PWWP2A: variants seen among roughly 807,000 people sequenced by gnomAD.
PWWP2A encodes the protein PWWP domain containing 2A, also known as PWWP domain-containing protein 2A.
Under a neutral mutation model 48.5 loss-of-function variants are expected in PWWP2A, and 18 were observed. The ratio of observed to expected loss-of-function variants is 0.37; its 90% confidence interval spans 0.26 to 0.55. The LOEUF (loss-of-function observed/expected upper bound fraction) is 0.55, where lower values mean the gene tolerates loss of function less well. Ranked by LOEUF, PWWP2A falls within the 20% of genes least tolerant of loss-of-function variation. The probability of loss-of-function intolerance (pLI) is 0.81; values close to 1 mark genes in which losing one functional copy is unlikely to be tolerated. For missense variants in PWWP2A, 867 were observed against 976.4 expected, an observed-to-expected ratio of 0.89 and a Z score of 1.49; for synonymous variants, 396 against 387.7, an observed-to-expected ratio of 1.02 and a Z score of -0.25.
chr5:160,108,569 T>C (rs1312952840), intron 1 of PWWP2A: 2 of 1,287,500 alleles, frequency 1.6e-6, no homozygotes, highest in African/African-American at 3.0e-5. Flanking sequence ...GGCTGTATAT[T>C]TTTCCCACCA....
At chr5:160,073,004 C>CAAAAAAAAAA (rs35836307), downstream of PWWP2A, among the ~76,000 whole-genome samples, 14 of 58,856 alleles carry the variant, frequency 2.4e-4, no homozygotes, top group African/African-American at 1.0e-3. Context: ...GGCTCCGTCT[C>CAAAAAAAAAA]AAAAAAAAAA....
In PWWP2A at chr5:160,078,646, A is replaced by G. The variant is rs556879471; in HGVS notation, c.1670-478T>C. On this transcript the variant is annotated intron_variant, in intron 3 of 3. Transcript: ENST00000456329. This position sits in a 1 kb window ranked among gnomAD's most constrained non-coding sequence, Gnocchi z 4.2. ...ATTTATATACAGAGCCAGGCTATGTACAAATCAGCAGCAGGTCACACTGTC... is the reference window on the plus strand; with the variant it reads ...ATTTATATACAGAGCCAGGCTATGTGCAAATCAGCAGCAGGTCACACTGTC... 2.7e-4 allele frequency among the ~76,000 whole-genome samples: 41 copies of G among 152,294 alleles called. 1 individual carries two copies. In the East Asian group the frequency reaches 7.9e-3, roughly 29 times the overall value.
chr5:160,119,161 C>T lies in PWWP2A; in HGVS notation c.228G>A (p.Gly76=), dbSNP rs970993510. ...PPLPPPPPPP[G]ELARSPEAVG... Reference sequence around the variant, plus strand: ...CCGCCTCTGGGCTGCGGGCGAGCTCCCCCGGCGGCGGCGGTGGCGGCGGGA... The same window carrying T: ...CCGCCTCTGGGCTGCGGGCGAGCTCTCCCGGCGGCGGCGGTGGCGGCGGGA... Residue 76 remains glycine, a synonymous_variant, in exon 1 of 2, where the codon GGG becomes GGA. Coordinates refer to ENST00000307063, the MANE Select transcript of PWWP2A (RefSeq NM_001130864.2). The T allele has an allele frequency of 7.8e-6, 12 of 1,533,444 alleles. No homozygotes were observed. In the East Asian group the frequency reaches 3.1e-4, roughly 39 times the overall value. The allele number at this position is 1,533,444 out of a possible 1,614,324, so 95.0% of individuals were successfully genotyped here.
intron 1 of PWWP2A, among the ~76,000 whole-genome samples, chr5:160,094,962 G>A (rs1425411860): frequency 7.2e-6 from 1 of 139,174 alleles, no homozygotes; most frequent in African/African-American, 2.6e-5. Flanking sequence ...GCAGGAGAAT[G>A]GCGTGAACCC....
intron 5 of PWWP2A, among the ~76,000 whole-genome samples, chr5:160,062,288 G>A (rs774921457): frequency 1.3e-5 from 2 of 152,184 alleles, no homozygotes; most frequent in Non-Finnish European, 2.9e-5. Context: ...TGCACTAGAG[G>A]GAAACCTCCT....
rs942420021 is a variant in PWWP2A, at chr5:160,092,013, G to T, written c.*369C>A. On this transcript the variant is annotated 3_prime_UTR_variant, in exon 2 of 2. Transcript: ENST00000307063. ...ATATGTGTGTATATATACATACACG[G>T]ATATATATATATACACACACACACA... 61 of 321,786 alleles carry T rather than the reference G, an allele frequency of 1.9e-4. No individual in the cohort carries two copies. The highest frequency in any genetic ancestry group is 1.2e-3 in the African/African-American group (39 of 32,218). 19.9% of individuals were successfully genotyped at this position (321,786 alleles called of 1,614,324 possible).
chr5:160,082,599 C>A (rs1754325482), intron 2 of PWWP2A, among the ~76,000 whole-genome samples: 1 of 152,154 alleles, frequency 6.6e-6, no homozygotes, highest in African/African-American at 2.4e-5. Context: ...TGTGCAATTC[C>A]TCACCTGCAA....
chr5:160,050,307 T>C, the PWWP2A span, among the ~76,000 whole-genome samples: 3 of 151,618 alleles, frequency 2.0e-5, no homozygotes, highest in Non-Finnish European at 4.4e-5. Flanking sequence ...ATTAGCTGGG[T>C]GTGGTGGCAC....
chr5:160,045,552 T>TCCCC, the PWWP2A span, among the ~76,000 whole-genome samples: 2 of 87,514 alleles, frequency 2.3e-5, no homozygotes, highest in African/African-American at 9.2e-5. Context: ...TCTCTCTCTC[T>TCCCC]CCCCCTCCCC....
At chr5:160,102,397 CAAAAAAAAAAAAAA>C (rs70988002) in intron 1 of PWWP2A, among the ~76,000 whole-genome samples, 1 of 64,220 alleles carries the variant, frequency 1.6e-5, no homozygotes, top group Non-Finnish European at 2.9e-5. Flanking sequence ...GACTCCATCT[CAAAAAAAAAAAAAA>C]AAAAAAAAAA....
In PWWP2A at chr5:160,078,512, C is replaced by T. The variant is rs370189140; in HGVS notation, c.1670-344G>A. On this transcript the variant is annotated intron_variant, in intron 3 of 3. Coordinates refer to the PWWP2A transcript ENST00000456329. The surrounding 1 kb of genome is among the most constrained non-coding windows in gnomAD (Gnocchi z 4.2). ...GGAATTTTAACTTTGTTCCTTATAT[C>T]GCCATTTCACAGTACAGTGCTCTGA... Among the ~76,000 whole-genome samples, 3 of 152,168 alleles carry T rather than the reference C, an allele frequency of 2.0e-5. No individual in the cohort carries two copies. Among genetic ancestry groups the T allele is most frequent in the South Asian group, 2.1e-4 (1 of 4,818 alleles).
intron 2 of PWWP2A, among the ~76,000 whole-genome samples, chr5:160,084,851 A>T (rs1389758581): frequency 6.6e-6 from 1 of 152,032 alleles, no homozygotes; most frequent in East Asian, 1.9e-4. Context: ...ATTACAAAAA[A>T]TTTTTCCACA....
At chr5:160,085,368 C>T (rs907558969) in intron 2 of PWWP2A, among the ~76,000 whole-genome samples, 2 of 152,166 alleles carry the variant, frequency 1.3e-5, no homozygotes, top group Admixed American at 1.3e-4. Context: ...AACAGTCTAA[C>T]ACTTCAGCTA....
At chr5:160,084,597 T>G (rs1430302646) in intron 2 of PWWP2A, among the ~76,000 whole-genome samples, 2 of 151,898 alleles carry the variant, frequency 1.3e-5, no homozygotes, top group African/African-American at 4.8e-5. Flanking sequence ...CCCACCTTAT[T>G]TTTTTGTATT....
rs1755236082 is a variant in PWWP2A at position 160,092,980 on chromosome 5, T to C, written c.1670A>G (p.Lys557Arg). The change falls in exon 2 of 2, where the codon AAA becomes AGA. Residue 557 changes from lysine (K) to arginine (R), a missense_variant. This residue lies in a region of PWWP2A where 382 missense variants were observed against 407.2 expected (regional missense o/e 0.94). Transcript: ENST00000307063. ...GDQDEPQTLG[K>R]KGSKNNISVY... ...AGAGATATTGTTTTTGCTGCCCTTT[T>C]TGCCCAATGTCTGTGGTTCATCCTG... is the stretch of plus-strand genomic sequence containing the variant. 9.6e-6 allele frequency: 15 copies of C among 1,561,220 alleles called. No individual in the cohort carries two copies. Among genetic ancestry groups the C allele is most frequent in the Non-Finnish European group, 1.1e-5 (13 of 1,151,936 alleles).
chr5:160,093,417 C>G lies in PWWP2A; in HGVS notation c.1233G>C (p.Gln411His), dbSNP rs758576198. The G allele has an allele frequency of 3.3e-5, 53 of 1,613,498 alleles. No individual in the cohort carries two copies. Among genetic ancestry groups the G allele is most frequent in the Non-Finnish European group, 4.5e-5 (53 of 1,179,810 alleles). The stretch of plus-strand genomic sequence containing the variant: ...TCTGGAGAACTTTTTTAGTACTTAA[C>G]TGAGCTTTTGATGTATTTGCCTGAG... ...VSAQANTSKAQLSTKKVLQSK... is the reference protein window; with the variant it reads ...VSAQANTSKAHLSTKKVLQSK... Residue 411 changes from glutamine to histidine, a missense_variant, in exon 2 of 2, where the codon CAG becomes CAC. Around this residue, in one of 4 missense-constraint regions of PWWP2A, gnomAD observed 382 missense variants for 407.2 expected, o/e 0.94. Coordinates refer to ENST00000307063, the MANE Select transcript of PWWP2A (RefSeq NM_001130864.2). The surrounding 1 kb of genome is among the most constrained non-coding windows in gnomAD (Gnocchi z 5.8).
At chr5:160,051,351 G>T in the PWWP2A span, among the ~76,000 whole-genome samples, 1 of 152,042 alleles carries the variant, frequency 6.6e-6, no homozygotes. Flanking sequence ...GCTTAGAGAG[G>T]GTATTGGCTT....
At position 160,077,930 on chromosome 5, in the gene PWWP2A, A is replaced by G; in HGVS notation, c.*225T>C. 1 of 487,336 alleles carries G rather than the reference A, an allele frequency of 2.1e-6. No individual in the cohort carries two copies. The highest frequency in any genetic ancestry group is 1.9e-5 in the African/African-American group (1 of 51,998). The allele number at this position is 487,336 out of a possible 1,614,324, so 30.2% of individuals were successfully genotyped here. A position where few individuals can be genotyped will look rare whatever the true frequency, so the allele number is the denominator to read the frequency against. On this transcript the variant is annotated 3_prime_UTR_variant, in exon 4 of 4. Transcript: ENST00000456329. The surrounding 1 kb of genome is among the most constrained non-coding windows in gnomAD (Gnocchi z 4.2). ...TTCACATCATTTTTCTCCTCATCTC[A>G]TGCATAATTTATTGCAAGTTTATTT...
chr5:160,104,709 G>A (rs1434238753), intron 1 of PWWP2A, among the ~76,000 whole-genome samples: 8 of 152,078 alleles, frequency 5.3e-5, no homozygotes, highest in East Asian at 3.9e-4. Flanking sequence ...TGAGGCTGGC[G>A]CAGGAGAATT....
Sources: allele counts gnomAD v4.1 joint callset (sites outside exome capture counted in the v4.1 genomes callset), GRCh38; gene constraint gnomAD v4.1.1; regional missense constraint gnomAD v4.1.1; non-coding constraint Gnocchi (gnomAD v3.1); transcripts MANE v1.5; gene names NCBI Gene and HGNC (gene_info 2026-07-23, HGNC 2026-07-21).